The following PLD5 variants were observed in gnomAD, a reference collection of about 807,000 sequenced individuals.
PLD5 encodes inactive phospholipase D5.
Under a neutral mutation model 61.1 loss-of-function variants are expected in PLD5, and 36 were observed. The ratio of observed to expected loss-of-function variants is 0.59; its 90% CI spans 0.45 to 0.78. The LOEUF (loss-of-function observed/expected upper bound fraction) is 0.78. PLD5 is among the 30% of genes least tolerant of loss of function. The pLI, the probability that PLD5 is intolerant of heterozygous loss-of-function variation, is 0.00. For missense variants in PLD5, 515 were observed against 644.4 expected, an observed-to-expected ratio of 0.80 and a Z score of 2.17; for synonymous variants, 243 against 242.8, an observed-to-expected ratio of 1.00 and a Z score of -0.01.
chr1:242,231,923 T>A (rs1671329914), intron 4 of PLD5, among the ~76,000 whole-genome samples: 2 of 139,936 alleles, frequency 1.4e-5, no homozygotes, highest in African/African-American at 2.7e-5. Flanking sequence ...GTAAAAGGGA[T>A]CTCTTTTAAA....
intron 1 of PLD5, among the ~76,000 whole-genome samples, chr1:242,435,650 C>A (rs998642843): frequency 1.3e-5 from 2 of 152,050 alleles, no homozygotes; most frequent in African/African-American, 4.8e-5. Context: ...TATGTATTGA[C>A]CAGCTGAAAA....
intron 1 of PLD5, among the ~76,000 whole-genome samples, chr1:242,361,324 T>G (rs1199611573): frequency 2.0e-5 from 3 of 152,176 alleles, no homozygotes; most frequent in African/African-American, 7.2e-5. Context: ...ATGCCACTAC[T>G]TTCCTTAGCC....
chr1:242,428,301 C>T (rs543382881), intron 1 of PLD5, among the ~76,000 whole-genome samples: 60 of 152,290 alleles, frequency 3.9e-4, no homozygotes, highest in Non-Finnish European at 6.3e-4. Context: ...ACTGCCTTGG[C>T]TTATAATCCA....
intron 3 of PLD5, among the ~76,000 whole-genome samples, chr1:242,272,192 G>T (rs942030052): frequency 2.6e-5 from 4 of 152,032 alleles, no homozygotes; most frequent in Non-Finnish European, 2.9e-5. Flanking sequence ...TTTATGAAAT[G>T]ACACAATTTA....
intron 1 of PLD5, among the ~76,000 whole-genome samples, chr1:242,449,837 A>G (rs888612174): frequency 2.0e-5 from 3 of 152,190 alleles, no homozygotes; most frequent in Admixed American, 6.5e-5. Flanking sequence ...AATCCTGCCT[A>G]GACAAAGACG....
chr1:242,394,092 GTATATATGTGTATATATATGAGTA>G (rs774041271), intron 1 of PLD5, among the ~76,000 whole-genome samples: 1,129 of 80,254 alleles, frequency 0.014, 108 homozygotes, highest in Non-Finnish European at 0.025. Flanking sequence ...GTATATATAT[GTATATATGTGTATATATATGAGTA>G]TATATATGTG....
chr1:242,093,532 G>A (rs1330742429), intron 9 of PLD5, among the ~76,000 whole-genome samples: 1 of 152,156 alleles, frequency 6.6e-6, no homozygotes, highest in Admixed American at 6.5e-5. Context: ...AGGAAATGAA[G>A]GCACAGAAGG....
intron 1 of PLD5, among the ~76,000 whole-genome samples, chr1:242,463,882 C>T (rs1030756347): frequency 2.8e-4 from 42 of 152,118 alleles, no homozygotes; most frequent in Admixed American, 6.5e-5. Flanking sequence ...TCCATTCTCC[C>T]CATATTCTCC....
intron 2 of PLD5, among the ~76,000 whole-genome samples, chr1:242,307,258 T>C (rs1270218775): frequency 1.3e-5 from 2 of 152,120 alleles, no homozygotes; most frequent in Non-Finnish European, 2.9e-5. Context: ...CAAGGGATGG[T>C]CAAAATCATG....
chr1:242,130,544 G>A (rs1324169201), intron 5 of PLD5, among the ~76,000 whole-genome samples: 1 of 152,230 alleles, frequency 6.6e-6, no homozygotes, highest in Non-Finnish European at 1.5e-5. Flanking sequence ...CATAGAGGTT[G>A]TATTAACTTA....
chr1:242,154,823 C>A (rs1275859031), intron 5 of PLD5, among the ~76,000 whole-genome samples: 1 of 152,088 alleles, frequency 6.6e-6, no homozygotes, highest in Non-Finnish European at 1.5e-5. Flanking sequence ...TGTTTTGTCT[C>A]TGTCAGGTTT....
chr1:242,445,075 C>T (rs1444612063), intron 1 of PLD5, among the ~76,000 whole-genome samples: 1 of 152,150 alleles, frequency 6.6e-6, no homozygotes, highest in African/African-American at 2.4e-5. Flanking sequence ...CTCCCAAACT[C>T]ATTTGTTGAA....
chr1:242,089,818 G>A lies in PLD5; in HGVS notation c.*36C>T, dbSNP rs1189363735. On this transcript the variant is annotated 3_prime_UTR_variant, in exon 10 of 10. Coordinates refer to ENST00000536534, the MANE Select transcript of PLD5 (RefSeq NM_001372062.1). ...CCTCAAGTCCTTTATGTATAAATAT[G>A]AAATACAGAGCTGTCCTGTCAGTTT... 6.2e-7 allele frequency: 1 copy of A among 1,609,142 alleles called. No individual in the cohort carries two copies. Among genetic ancestry groups the A allele is most frequent in the South Asian group, 1.1e-5 (1 of 90,874 alleles).
chr1:242,332,352 G>T (rs149865164), intron 2 of PLD5, among the ~76,000 whole-genome samples: 68 of 152,134 alleles, frequency 4.5e-4, no homozygotes, highest in South Asian at 8.3e-4. Flanking sequence ...AACATACATG[G>T]GCATGTGTCT....
chr1:242,438,249 A>G (rs1426369439), intron 1 of PLD5, among the ~76,000 whole-genome samples: 1 of 151,380 alleles, frequency 6.6e-6, no homozygotes, highest in Admixed American at 6.6e-5. Context: ...GGTTGCTTGC[A>G]CATTAGAAAA....
intron 1 of PLD5, among the ~76,000 whole-genome samples, chr1:242,512,215 T>G (rs527675788): frequency 1.0e-4 from 15 of 149,774 alleles, no homozygotes; most frequent in South Asian, 6.3e-4. Context: ...ATCGAGACCA[T>G]CCTGGCTAAC....
intron 5 of PLD5, among the ~76,000 whole-genome samples, chr1:242,143,889 T>C (rs964535176): frequency 6.6e-6 from 1 of 151,894 alleles, no homozygotes. Context: ...TTGCCCAGGC[T>C]GGAATGCAGT....
intron 2 of PLD5, among the ~76,000 whole-genome samples, chr1:242,335,417 C>T (rs1659444179): frequency 6.6e-6 from 1 of 152,150 alleles, no homozygotes; most frequent in Admixed American, 6.5e-5. Flanking sequence ...ACAGTCCACA[C>T]CATTTGGAGA....
At chr1:242,162,741 G>GTTA (rs1665942759) in intron 5 of PLD5, among the ~76,000 whole-genome samples, 1 of 152,132 alleles carries the variant, frequency 6.6e-6, no homozygotes, top group African/African-American at 2.4e-5. Context: ...CCCTGGCTCA[G>GTTA]TTATAATTTT....
Sources: allele counts gnomAD v4.1 joint callset (sites outside exome capture counted in the v4.1 genomes callset), GRCh38; gene constraint gnomAD v4.1.1; transcripts MANE v1.5; gene names NCBI Gene and HGNC (gene_info 2026-07-23, HGNC 2026-07-21).